The following RIMS1 variants were observed in gnomAD, a reference collection of about 807,000 sequenced individuals.
RIMS1 encodes the protein regulating synaptic membrane exocytosis protein 1.
In RIMS1, 83 loss-of-function variants were observed where a neutral mutation model predicts 214.1. That is an observed-to-expected ratio of 0.39 (90% confidence interval 0.32 to 0.47). The LOEUF is 0.47. Among genes scored for constraint, RIMS1 ranks in the 20% least tolerant of loss-of-function variants. RIMS1 has a pLI of 0.99. For missense variants in RIMS1, 2,050 were observed against 2,161.8 expected, an observed-to-expected ratio of 0.95 and a Z score of 1.03; for synonymous variants, 793 against 786.8, an observed-to-expected ratio of 1.01 and a Z score of -0.13.
chr6:72,233,889 G>C (rs942477681), intron 7 of RIMS1, 49 bp downstream of exon 7: 2 of 1,212,340 alleles, frequency 1.6e-6, no homozygotes, highest in South Asian at 1.3e-5. Context: ...ATGTGTGCTC[G>C]TTAATTGTCC....
At chr6:72,077,825 G>C (rs562488263) in intron 2 of RIMS1, among the ~76,000 whole-genome samples, 1 of 152,328 alleles carries the variant, frequency 6.6e-6, no homozygotes, top group South Asian at 2.1e-4. Flanking sequence ...CAGAGCCTTT[G>C]TTCCAGCCCT....
At chr6:72,186,775 A>G (rs1297018278) in intron 6 of RIMS1, among the ~76,000 whole-genome samples, 1 of 87,078 alleles carries the variant, frequency 1.1e-5, no homozygotes, top group Non-Finnish European at 2.3e-5. Context: ...GCATGTATAT[A>G]TGTACCCCCC....
intron 6 of RIMS1, among the ~76,000 whole-genome samples, chr6:72,194,755 G>A (rs2050606267): frequency 6.6e-6 from 1 of 152,048 alleles, no homozygotes; most frequent in South Asian, 2.1e-4. Flanking sequence ...GAATACACAT[G>A]CAAAGCACAC....
intron 2 of RIMS1, among the ~76,000 whole-genome samples, chr6:72,040,748 T>C (rs925182548): frequency 6.6e-6 from 1 of 151,880 alleles, no homozygotes; most frequent in Non-Finnish European, 1.5e-5. Flanking sequence ...AATAGTAGAT[T>C]GTTAGGTAAA....
At chr6:72,205,039 A>G (rs2153999026) in intron 6 of RIMS1, among the ~76,000 whole-genome samples, 1 of 152,228 alleles carries the variant, frequency 6.6e-6, no homozygotes, top group African/African-American at 2.4e-5. Context: ...TTCTTGTGTA[A>G]TTACAGAAAC....
intron 28 of RIMS1, among the ~76,000 whole-genome samples, chr6:72,333,309 G>C: frequency 6.6e-6 from 1 of 151,924 alleles, no homozygotes; most frequent in Middle Eastern, 3.4e-3. Context: ...AAATTGGTCA[G>C]TAACATTCAT....
chr6:72,219,724 G>A (rs1160964617), intron 6 of RIMS1, among the ~76,000 whole-genome samples: 17 of 151,442 alleles, frequency 1.1e-4, no homozygotes, highest in Admixed American at 1.1e-3. Context: ...CAATGTTTGT[G>A]GTTTTTCTCT....
intron 29 of RIMS1, among the ~76,000 whole-genome samples, chr6:72,378,572 G>A (rs1407753515): frequency 6.6e-6 from 1 of 152,166 alleles, no homozygotes; most frequent in African/African-American, 2.4e-5. Flanking sequence ...GCTTATGCCT[G>A]TAATCCCAGC....
chr6:72,009,264 C>A (rs1020888571), intron 2 of RIMS1, among the ~76,000 whole-genome samples: 1 of 152,186 alleles, frequency 6.6e-6, no homozygotes, highest in Admixed American at 6.5e-5. Flanking sequence ...TAAAGATGTT[C>A]TTTGAAACCA....
intron 29 of RIMS1, among the ~76,000 whole-genome samples, chr6:72,368,663 A>G (rs2098123376): frequency 6.6e-6 from 1 of 152,116 alleles, no homozygotes; most frequent in Admixed American, 6.5e-5. Context: ...GTCTTCACAA[A>G]GCACTCTGGC....
At chr6:71,924,268 T>G (rs1482330370) in intron 1 of RIMS1, among the ~76,000 whole-genome samples, 1 of 152,136 alleles carries the variant, frequency 6.6e-6, no homozygotes, top group Admixed American at 6.6e-5. Context: ...GAAAGAAGAT[T>G]CACTATTTAA....
chr6:72,302,139 C>T (rs576575124), intron 26 of RIMS1, among the ~76,000 whole-genome samples: 1 of 151,548 alleles, frequency 6.6e-6, no homozygotes, highest in South Asian at 2.1e-4. Flanking sequence ...AGGAATTGAT[C>T]AAAGGAACAT....
chr6:72,305,862 A>G (rs967137125), intron 26 of RIMS1, among the ~76,000 whole-genome samples: 1 of 152,178 alleles, frequency 6.6e-6, no homozygotes, highest in Non-Finnish European at 1.5e-5. Context: ...GAGATTGGTT[A>G]TCTAATTTGC....
chr6:72,164,653 G>T (rs1452216828), intron 4 of RIMS1, among the ~76,000 whole-genome samples: 3 of 152,066 alleles, frequency 2.0e-5, no homozygotes, highest in Non-Finnish European at 2.9e-5. Context: ...TCTCTCATTG[G>T]TTTATTAGAC....
chr6:72,255,121 A>T (rs2075246512), intron 16 of RIMS1, among the ~76,000 whole-genome samples: 1 of 152,158 alleles, frequency 6.6e-6, no homozygotes. Context: ...TGGCAAATAT[A>T]ACTAGTCACA....
chr6:71,940,255 C>G (rs1785650463), intron 1 of RIMS1, among the ~76,000 whole-genome samples: 1 of 152,090 alleles, frequency 6.6e-6, no homozygotes, highest in African/African-American at 2.4e-5. Flanking sequence ...TAGCATATAT[C>G]CAAAGATGAA....
At chr6:72,333,304 G>A (rs1431582948) in intron 28 of RIMS1, among the ~76,000 whole-genome samples, 1 of 151,720 alleles carries the variant, frequency 6.6e-6, no homozygotes, top group African/African-American at 2.4e-5. Context: ...TTACAAAATT[G>A]GTCAGTAACA....
At chr6:72,162,323 G>A (rs1285454949) in intron 4 of RIMS1, among the ~76,000 whole-genome samples, 1 of 139,812 alleles carries the variant, frequency 7.2e-6, no homozygotes, top group Non-Finnish European at 1.6e-5. Context: ...CACACTGATG[G>A]GTTTTGACTC....
At chr6:71,898,188 A>C (rs183214899) in intron 1 of RIMS1, among the ~76,000 whole-genome samples, 1 of 152,304 alleles carries the variant, frequency 6.6e-6, no homozygotes, top group Admixed American at 6.5e-5. Flanking sequence ...TCCTCTGGAC[A>C]GACATGCTTA....
Sources: allele counts gnomAD v4.1 joint callset (sites outside exome capture counted in the v4.1 genomes callset), GRCh38; gene constraint gnomAD v4.1.1; transcripts MANE v1.5; gene names NCBI Gene and HGNC (gene_info 2026-07-23, HGNC 2026-07-21).